Variants in ZNF608 observed in about 807,000 individuals in gnomAD.
The protein encoded by ZNF608 is renal carcinoma antigen NY-REN-36.
A neutral mutation model predicts 109.0 loss-of-function variants in ZNF608; 12 were observed. That is an observed-to-expected ratio of 0.11 (90% CI 0.07 to 0.18). The LOEUF (loss-of-function observed/expected upper bound fraction) is 0.18, where lower values mean the gene tolerates loss of function less well. Ranked by LOEUF, ZNF608 falls within the 10% of genes least tolerant of loss-of-function variation. The pLI is 1.00. For missense variants in ZNF608, 1,707 were observed against 1,879.3 expected (o/e 0.91, Z 1.70); for synonymous variants, 732 against 717.4 (o/e 1.02, Z -0.33).
intron 2 of ZNF608, among the ~76,000 whole-genome samples, chr5:124,727,199 T>C (rs1748646067): frequency 6.6e-6 from 1 of 152,202 alleles, no homozygotes; most frequent in African/African-American, 2.4e-5. Flanking sequence ...TGTGCCAGGA[T>C]TTTCAATAGA....
chr5:124,710,849 T>C (rs1351028375), intron 2 of ZNF608: 1 of 152,430 alleles, frequency 6.6e-6, no homozygotes, highest in East Asian at 1.9e-4. Flanking sequence ...ACACCATCTC[T>C]ATACATGCAT....
At chr5:124,700,495 G>A (rs567084640) in intron 3 of ZNF608, among the ~76,000 whole-genome samples, 150 of 152,184 alleles carry the variant, frequency 9.9e-4, no homozygotes, top group Non-Finnish European at 1.4e-3. Flanking sequence ...AGAAGTGACC[G>A]GCTTACTAGG....
At chr5:124,682,168 G>A (rs923594193) in intron 3 of ZNF608, among the ~76,000 whole-genome samples, 12 of 152,190 alleles carry the variant, frequency 7.9e-5, no homozygotes, top group Admixed American at 4.6e-4. Flanking sequence ...CGCCTCCCAG[G>A]TTCAAGCGAT....
At chr5:124,694,288 C>T (rs549924468) in intron 3 of ZNF608, among the ~76,000 whole-genome samples, 136 of 151,244 alleles carry the variant, frequency 9.0e-4, no homozygotes, top group Non-Finnish European at 1.6e-3. Context: ...CCACTGCGCC[C>T]GGCCCTCATT....
rs541668835 is a variant in ZNF608 at position 124,742,547 on chromosome 5, T to C, written c.906+1537A>G. On this transcript the variant is annotated intron_variant, in intron 2 of 9. Transcript: ENST00000513986. ...AATAAGAAGATTTCAGAACACCTTT[T>C]AGCGGAAATAATGTGAAACTACACA... is the stretch of plus-strand genomic sequence containing the variant. Among the ~76,000 whole-genome samples the C allele has an allele frequency of 4.6e-5, 7 of 152,318 alleles. No homozygotes were observed. The South Asian group carries it at 1.2e-3, about 27-fold the overall frequency.
At chr5:124,729,157 C>T (rs1748763842) in intron 2 of ZNF608, among the ~76,000 whole-genome samples, 1 of 152,192 alleles carries the variant, frequency 6.6e-6, no homozygotes. Context: ...CCATCAAATG[C>T]AAGAAGTGTG....
At chr5:124,726,938 T>C (rs974059369) in intron 2 of ZNF608, among the ~76,000 whole-genome samples, 1 of 152,262 alleles carries the variant, frequency 6.6e-6, no homozygotes, top group Admixed American at 6.5e-5. Flanking sequence ...CAACTGGGAT[T>C]CCGGGCTTTG....
At chr5:124,699,434 A>C (rs1752964747) in intron 3 of ZNF608, among the ~76,000 whole-genome samples, 1 of 152,132 alleles carries the variant, frequency 6.6e-6, no homozygotes, top group Non-Finnish European at 1.5e-5. Flanking sequence ...TATCTGAAAA[A>C]CCCAAATTAA....
chr5:124,707,650 C>T (rs1310255729), intron 2 of ZNF608, among the ~76,000 whole-genome samples: 1 of 152,216 alleles, frequency 6.6e-6, no homozygotes, highest in Non-Finnish European at 1.5e-5. Flanking sequence ...TAGAAAGAGA[C>T]TCCACTACTA....
At chr5:124,638,622 C>G (rs1173640595) in intron 9 of ZNF608, among the ~76,000 whole-genome samples, 1 of 152,078 alleles carries the variant, frequency 6.6e-6, no homozygotes, top group Non-Finnish European at 1.5e-5. Context: ...TAATTCCATT[C>G]AAATGTGGAA....
rs767111425 is a variant in ZNF608, at chr5:124,648,646, C to A, written c.1738G>T (p.Asp580Tyr). 6.8e-6 allele frequency: 11 copies of A among 1,614,128 alleles called. No homozygotes were observed. The highest frequency in any genetic ancestry group is 3.3e-4 in the Middle Eastern group (2 of 6,084). ...LRYHQAHAHL[D>Y]PENKLEFEPD... The stretch of plus-strand genomic sequence containing the variant: ...TCGAACTCCAGCTTGTTTTCTGGGT[C>A]TAAGTGTGCATGAGCCTGGTGGTAC... Residue 580 changes from aspartate to tyrosine, a missense_variant, in exon 5 of 10, where the codon GAC (aspartate) becomes TAC (tyrosine). Coordinates refer to ENST00000513986, the MANE Select transcript of ZNF608 (RefSeq NM_020747.3).
rs539007157 is a variant in ZNF608 at position 124,649,370 on chromosome 5, C to G, written c.1251-237G>C. ...CAAGTAGCTAGCTTCCAAACCAGTT[C>G]AAATTCCCACTTTGAGAAAAAATGA... On this transcript the variant is annotated intron_variant, in intron 4 of 9. Transcript: ENST00000513986. Among the ~76,000 whole-genome samples, 7 of 152,256 alleles carry G rather than the reference C, an allele frequency of 4.6e-5. No homozygotes were observed. The South Asian group carries it at 1.5e-3, about 32-fold the overall frequency.
chr5:124,701,359 C>T (rs1164375999), intron 2 of ZNF608, 90 bp from the exon 3 acceptor site: 11 of 1,469,090 alleles, frequency 7.5e-6, no homozygotes, highest in Middle Eastern at 2.5e-4. Flanking sequence ...GAATATATCA[C>T]CATTCCAAAT....
chr5:124,706,482 G>C lies in ZNF608; in HGVS notation c.907-5213C>G, dbSNP rs1753264244. 3.3e-5 allele frequency among the ~76,000 whole-genome samples: 5 copies of C among 152,160 alleles called. No individual in the cohort carries two copies. The South Asian group carries it at 1.0e-3, about 32-fold the overall frequency. On this transcript the variant is annotated intron_variant, in intron 2 of 9. Coordinates refer to ENST00000513986, the MANE Select transcript of ZNF608 (RefSeq NM_020747.3). ...TACATTCAAAGGCAATTCACAAGAG[G>C]CAACAACAAATCCCTTTCTGAGGGG...
At chr5:124,705,694 G>C (rs1390614013) in intron 2 of ZNF608, among the ~76,000 whole-genome samples, 1 of 152,132 alleles carries the variant, frequency 6.6e-6, no homozygotes, top group East Asian at 1.9e-4. Context: ...GCTCAGCCTG[G>C]GGAAATACTG....
intron 3 of ZNF608, among the ~76,000 whole-genome samples, chr5:124,677,282 C>A (rs903877410): frequency 1.3e-5 from 2 of 152,088 alleles, no homozygotes; most frequent in Non-Finnish European, 2.9e-5. Context: ...AAATAATCCC[C>A]CCCTTTGAAA....
chr5:124,722,762 T>C (rs766828827), intron 2 of ZNF608, among the ~76,000 whole-genome samples: 6 of 151,914 alleles, frequency 3.9e-5, no homozygotes, highest in Non-Finnish European at 7.4e-5. Flanking sequence ...ACCTTTAGAG[T>C]TGGAGAATCA....
At chr5:124,644,793 TG>T (rs781750971) in intron 5 of ZNF608, 132 bp from the exon 6 acceptor site, 55 of 784,356 alleles carry the variant, frequency 7.0e-5, no homozygotes, top group Non-Finnish European at 9.8e-5. Context: ...TTTATTTCTG[TG>T]CTAGACACTG....
chr5:124,668,215 TA>T (rs1751566232), intron 3 of ZNF608, among the ~76,000 whole-genome samples: 5 of 139,762 alleles, frequency 3.6e-5, no homozygotes, highest in African/African-American at 1.3e-4. Flanking sequence ...TATATATATA[TA>T]TTATATATAT....
Sources: gnomAD v4.1 joint callset for allele counts (sites outside exome capture counted in the v4.1 genomes callset) on GRCh38, gnomAD v4.1.1 for gene constraint, MANE v1.5 for transcripts, NCBI Gene and HGNC (gene_info 2026-07-23, HGNC 2026-07-21) for gene names.